CRPPA: variants seen among roughly 807,000 people sequenced by gnomAD.
The protein encoded by CRPPA is CDP-L-ribitol pyrophosphorylase A.
A neutral mutation model predicts 52.0 loss-of-function variants in CRPPA; 43 were observed. That is an observed-to-expected ratio of 0.83 (90% confidence interval 0.65 to 1.07). The LOEUF (loss-of-function observed/expected upper bound fraction) is 1.07, where lower values mean the gene tolerates loss of function less well. CRPPA is among the 50% of genes least tolerant of loss of function. The pLI is 0.00. For missense variants in CRPPA, 629 were observed against 551.7 expected, an observed-to-expected ratio of 1.14 and a Z score of -1.40; for synonymous variants, 250 against 203.5, an observed-to-expected ratio of 1.23 and a Z score of -1.94.
At chr7:16,400,264 C>G (rs184739574) in intron 2 of CRPPA, among the ~76,000 whole-genome samples, 20 of 152,336 alleles carry the variant, frequency 1.3e-4, no homozygotes, top group Middle Eastern at 3.4e-3. Context: ...ACGTGATTGT[C>G]ACGTGATTAC....
chr7:16,417,809 T>C (rs977799505), intron 1 of CRPPA, among the ~76,000 whole-genome samples: 6 of 151,648 alleles, frequency 4.0e-5, no homozygotes, highest in African/African-American at 1.5e-4. Flanking sequence ...AAAAAAAAAA[T>C]CAAATTTGGG....
chr7:16,376,259 A>T lies in CRPPA; in HGVS notation c.535-18T>A. The T allele has an allele frequency of 3.2e-6, 5 of 1,585,074 alleles. No homozygotes were observed. The highest frequency in any genetic ancestry group is 1.8e-5 in the Admixed American group (1 of 54,114). ...CCTGCTGCCTGAAGAACAAAGAGGCAAAGAATATATTTCACCTACAAGCCA... is the reference window on the plus strand; with the variant it reads ...CCTGCTGCCTGAAGAACAAAGAGGCTAAGAATATATTTCACCTACAAGCCA... On this transcript the variant is annotated intron_variant, in intron 2 of 9. Coordinates refer to ENST00000407010, the MANE Select transcript of CRPPA (RefSeq NM_001101426.4).
Position 16,087,803 on chromosome 7 carries a change from A to G in CRPPA, c.*3892T>C, listed in dbSNP as rs1306534864. ...AAATTAAACTTTCTAAATAACTTCT[A>G]TCTTTCTTCTTGCATATGGTTGACA... is the stretch of plus-strand genomic sequence containing the variant. On this transcript the variant is annotated 3_prime_UTR_variant, in exon 10 of 10. Transcript: ENST00000407010. 6.6e-6 allele frequency: 1 copy of G among 152,108 alleles called. No individual in the cohort carries two copies. The highest frequency in any genetic ancestry group is 1.5e-5 in the Non-Finnish European group (1 of 67,986). The allele number at this position is 152,108 out of a possible 1,614,324, so 9.4% of individuals were successfully genotyped here.
At chr7:16,110,208 A>G (rs1392164581) in intron 9 of CRPPA, among the ~76,000 whole-genome samples, 1 of 152,124 alleles carries the variant, frequency 6.6e-6, no homozygotes, top group African/African-American at 2.4e-5. Flanking sequence ...ATTTGGGAAT[A>G]AATTTAATCA....
Position 16,375,168 on chromosome 7 carries a change from T to C in CRPPA, c.684+924A>G, listed in dbSNP as rs76056237. 9.9e-3 allele frequency among the ~76,000 whole-genome samples: 1,508 copies of C among 152,310 alleles called. 26 individuals are homozygous for C. The highest frequency in any genetic ancestry group is 0.034 in the African/African-American group (1,433 of 41,574). ...CGATGACCATGGATCAGCTTGTATC[T>C]GATTCAGCTCAATCAGAAAGTACTT... is the stretch of plus-strand genomic sequence containing the variant. On this transcript the variant is annotated intron_variant, in intron 3 of 9. Coordinates refer to ENST00000407010, the MANE Select transcript of CRPPA (RefSeq NM_001101426.4).
At chr7:16,406,774 C>T (rs764291408) in intron 1 of CRPPA, among the ~76,000 whole-genome samples, 18 of 152,140 alleles carry the variant, frequency 1.2e-4, no homozygotes, top group Non-Finnish European at 2.6e-4. Flanking sequence ...TCAAGAATTC[C>T]ACCAAGTTGG....
At chr7:16,111,104 T>TA (rs1472336942) in intron 9 of CRPPA, among the ~76,000 whole-genome samples, 1 of 150,926 alleles carries the variant, frequency 6.6e-6, no homozygotes, top group Non-Finnish European at 1.5e-5. Context: ...AAAAAAAAAT[T>TA]AAAAACGGCA....
chr7:16,346,448 T>C (rs1182681675), intron 3 of CRPPA, among the ~76,000 whole-genome samples: 2 of 152,086 alleles, frequency 1.3e-5, no homozygotes, highest in Non-Finnish European at 2.9e-5. Context: ...GTCAGGCTTG[T>C]AATGTGCTAA....
intron 9 of CRPPA, among the ~76,000 whole-genome samples, chr7:16,171,882 C>T (rs559456897): frequency 1.3e-5 from 2 of 152,192 alleles, no homozygotes; most frequent in Admixed American, 6.5e-5. Flanking sequence ...AGCAGGTACA[C>T]TTGCTCACTG....
intron 8 of CRPPA, among the ~76,000 whole-genome samples, chr7:16,216,834 C>T (rs1364549411): frequency 6.6e-6 from 1 of 152,198 alleles, no homozygotes; most frequent in Non-Finnish European, 1.5e-5. Flanking sequence ...AGTCTGAGAT[C>T]AAACTGCAAG....
chr7:16,248,754 T>C (rs1259777350), intron 8 of CRPPA, among the ~76,000 whole-genome samples: 1 of 151,846 alleles, frequency 6.6e-6, no homozygotes, highest in Admixed American at 6.6e-5. Flanking sequence ...TGAAGAAGGG[T>C]GGGGCGTCGC....
Position 16,235,906 on chromosome 7 carries a change from G to T in CRPPA, c.1120-19709C>A, listed in dbSNP as rs146284032. 9 of 152,160 alleles carry T rather than the reference G, an allele frequency of 5.9e-5. No homozygotes were observed. The East Asian group carries it at 1.7e-3, about 29-fold the overall frequency. 9.4% of individuals were successfully genotyped at this position (152,160 alleles called of 1,614,324 possible). Reference sequence around the variant, plus strand: ...TCTGTGATAATCAACTCTCAGGGTTGCTCTGAAGACTAAAGCCCTGGGATC... The same window carrying T: ...TCTGTGATAATCAACTCTCAGGGTTTCTCTGAAGACTAAAGCCCTGGGATC... On this transcript the variant is annotated intron_variant, in intron 8 of 9. Transcript: ENST00000407010.
intron 2 of CRPPA, among the ~76,000 whole-genome samples, chr7:16,391,203 A>C (rs943810944): frequency 2.6e-5 from 4 of 151,334 alleles, no homozygotes; most frequent in Admixed American, 6.6e-5. Flanking sequence ...CTGTTCCTAC[A>C]GACGGCCATC....
chr7:16,268,906 A>G (rs539997036), intron 6 of CRPPA: 51 of 152,298 alleles, frequency 3.3e-4, no homozygotes, highest in African/African-American at 1.1e-3. Context: ...CAGCTCATCT[A>G]ATCTCTGCAA....
At chr7:16,280,063 TACTC>T (rs764227503) in intron 5 of CRPPA, among the ~76,000 whole-genome samples, 1 of 152,156 alleles carries the variant, frequency 6.6e-6, no homozygotes, top group East Asian at 1.9e-4. Context: ...TCATGAGACT[TACTC>T]ACTATCATGA....
In CRPPA at chr7:16,231,557, C is replaced by T. The variant is rs74372832; in HGVS notation, c.1120-15360G>A. ...CAAAGGAATTTTTATTCCTACCTAA[C>T]GTTACTACTTAAAATCCCACTGTGA... is the stretch of plus-strand genomic sequence containing the variant. On this transcript the variant is annotated intron_variant, in intron 8 of 9. Coordinates refer to ENST00000407010, the MANE Select transcript of CRPPA (RefSeq NM_001101426.4). Among the ~76,000 whole-genome samples the T allele has an allele frequency of 6.0e-3, 919 of 152,244 alleles. 8 individuals carry two copies. The highest frequency in any genetic ancestry group is 0.024 in the East Asian group (124 of 5,168).
chr7:16,181,503 G>T (rs1054680293), intron 9 of CRPPA, among the ~76,000 whole-genome samples: 1 of 151,862 alleles, frequency 6.6e-6, no homozygotes, highest in Non-Finnish European at 1.5e-5. Flanking sequence ...CAAATCTCCA[G>T]CTTCAAGGTA....
chr7:16,300,309 T>G (rs1179214589), intron 5 of CRPPA, among the ~76,000 whole-genome samples: 1 of 152,208 alleles, frequency 6.6e-6, no homozygotes, highest in South Asian at 2.1e-4. Context: ...AATAAATTGA[T>G]GCACTCAGAA....
chr7:16,352,739 C>T (rs1479689868), intron 3 of CRPPA, among the ~76,000 whole-genome samples: 1 of 152,144 alleles, frequency 6.6e-6, no homozygotes, highest in Non-Finnish European at 1.5e-5. Context: ...AATCCCACTT[C>T]TGGGTATATA....
Sources: gnomAD v4.1 joint callset for allele counts (sites outside exome capture counted in the v4.1 genomes callset) on GRCh38, gnomAD v4.1.1 for gene constraint, MANE v1.5 for transcripts, NCBI Gene and HGNC (gene_info 2026-07-23, HGNC 2026-07-21) for gene names.